Variants in SNX29 observed in about 807,000 individuals in gnomAD.
The protein encoded by SNX29 is sorting nexin 29, also known as sorting nexin-29.
Under a neutral mutation model 102.1 loss-of-function variants are expected in SNX29, and 78 were observed. The observed-to-expected ratio is 0.76, with a 90% confidence interval of 0.64 to 0.92. The LOEUF is 0.92. Among genes scored for constraint, SNX29 ranks in the 40% least tolerant of loss-of-function variants. The probability of loss-of-function intolerance (pLI) is 0.00; values close to 1 mark genes in which losing one functional copy is unlikely to be tolerated. For synonymous variants in SNX29, 580 were observed against 414.5 expected (o/e 1.40, Z -4.85); for missense variants, 1,280 against 1,061.7 (o/e 1.21, Z -2.86).
chr16:12,480,214 G>T (rs1193409016), intron 19 of SNX29, among the ~76,000 whole-genome samples: 1 of 152,150 alleles, frequency 6.6e-6, no homozygotes, highest in Non-Finnish European at 1.5e-5. Flanking sequence ...CAATTCGAGA[G>T]GTCAGAAGTC....
At chr16:12,498,311 G>A (rs2088932735) in intron 19 of SNX29, among the ~76,000 whole-genome samples, 1 of 152,176 alleles carries the variant, frequency 6.6e-6, no homozygotes, top group African/African-American at 2.4e-5. Context: ...GCAAGGCAGG[G>A]CCAGTTACCT....
At chr16:12,107,709 G>A (rs2053323155) in intron 11 of SNX29, among the ~76,000 whole-genome samples, 1 of 152,122 alleles carries the variant, frequency 6.6e-6, no homozygotes, top group Admixed American at 6.6e-5. Flanking sequence ...GGTGACGAGT[G>A]GGTGGTGGGC....
chr16:12,036,006 T>G (rs1222793518), intron 4 of SNX29, among the ~76,000 whole-genome samples: 5 of 152,220 alleles, frequency 3.3e-5, no homozygotes, highest in African/African-American at 1.2e-4. Context: ...CCTTTGTATC[T>G]ATCACTGGCC....
At chr16:12,276,679 T>C (rs561825628) in intron 14 of SNX29, among the ~76,000 whole-genome samples, 1 of 152,338 alleles carries the variant, frequency 6.6e-6, no homozygotes, top group East Asian at 1.9e-4. Context: ...TTCTTAAACA[T>C]GCTGTGGATG....
At chr16:12,428,884 C>T (rs1295003563) in intron 18 of SNX29, among the ~76,000 whole-genome samples, 2 of 152,084 alleles carry the variant, frequency 1.3e-5, no homozygotes, top group African/African-American at 2.4e-5. Flanking sequence ...CACACAGATA[C>T]GATTGCAATT....
At chr16:12,379,512 A>G (rs1597150528) in intron 16 of SNX29, among the ~76,000 whole-genome samples, 1 of 152,226 alleles carries the variant, frequency 6.6e-6, no homozygotes, top group Non-Finnish European at 1.5e-5. Context: ...AGGGCAGGCC[A>G]TGGGTCCAGG....
intron 14 of SNX29, among the ~76,000 whole-genome samples, chr16:12,269,203 C>G (rs113647392): frequency 0.031 from 4,744 of 152,246 alleles, 116 homozygotes; most frequent in Non-Finnish European, 0.04. Flanking sequence ...CAGGGAGACA[C>G]AGGAGAAAGT....
rs572793856 is a variant in SNX29, at chr16:12,569,877, A to G, written c.*1248A>G. On this transcript the variant is annotated 3_prime_UTR_variant, in exon 21 of 21. Transcript: ENST00000566228. ...TCGTGAAATGGACTATGCAAGAGTA[A>G]GTTTGTGTGTTTCGCCTTAATCTGA... 3 of 231,474 alleles carry G rather than the reference A, an allele frequency of 1.3e-5. No individual in the cohort carries two copies. The highest frequency in any genetic ancestry group is 4.4e-5 in the African/African-American group (2 of 45,228). 14.3% of individuals were successfully genotyped at this position (231,474 alleles called of 1,614,324 possible). A position where few individuals can be genotyped will look rare whatever the true frequency, so the allele number is the denominator to read the frequency against.
chr16:12,515,435 C>T (rs567822895), intron 19 of SNX29: 19 of 461,912 alleles, frequency 4.1e-5, no homozygotes, highest in African/African-American at 3.4e-4. Context: ...ACCCCATCCG[C>T]AAGTCACCCC....
intron 14 of SNX29, among the ~76,000 whole-genome samples, chr16:12,217,680 T>C (rs2077361479): frequency 6.6e-6 from 1 of 152,144 alleles, no homozygotes; most frequent in Non-Finnish European, 1.5e-5. Context: ...ATCTAGGGTG[T>C]TCTTGGAGCA....
intron 9 of SNX29, among the ~76,000 whole-genome samples, chr16:12,065,763 T>G (rs1403407769): frequency 6.6e-6 from 1 of 152,190 alleles, no homozygotes; most frequent in African/African-American, 2.4e-5. Context: ...GTTCCTGGTT[T>G]TCTTTATTCA....
chr16:12,401,544 A>G lies in SNX29; in HGVS notation c.1956-1904A>G, dbSNP rs372461354. Among the ~76,000 whole-genome samples the G allele has an allele frequency of 3.0e-3, 460 of 151,786 alleles. 35 individuals carry two copies. The South Asian group carries it at 0.089, about 29-fold the overall frequency. Reference sequence around the variant, plus strand: ...ATGCCCAGCTAATTTTTGTATTTTTAGTAGAGACAGGGTTTCACCATCTTG... The same window carrying G: ...ATGCCCAGCTAATTTTTGTATTTTTGGTAGAGACAGGGTTTCACCATCTTG... On this transcript the variant is annotated intron_variant, in intron 17 of 20. Coordinates refer to ENST00000566228, the MANE Select transcript of SNX29 (RefSeq NM_032167.5).
intron 14 of SNX29, among the ~76,000 whole-genome samples, chr16:12,213,356 C>A (rs1197685905): frequency 1.3e-5 from 2 of 152,156 alleles, no homozygotes; most frequent in African/African-American, 4.8e-5. Context: ...GGATGAAAAA[C>A]TACCTATTGG....
chr16:12,093,840 T>C (rs1366860932), intron 11 of SNX29: 1 of 152,234 alleles, frequency 6.6e-6, no homozygotes, highest in Non-Finnish European at 1.5e-5. Context: ...ACGTGGATTT[T>C]CCTGGGGAGA....
intron 14 of SNX29, among the ~76,000 whole-genome samples, chr16:12,255,286 C>T (rs2078537748): frequency 6.6e-6 from 1 of 152,106 alleles, no homozygotes; most frequent in Non-Finnish European, 1.5e-5. Flanking sequence ...ACCTCTGCTT[C>T]CCGGGTTCAA....
intron 18 of SNX29, among the ~76,000 whole-genome samples, chr16:12,411,885 T>A (rs1277819167): frequency 6.6e-6 from 1 of 152,224 alleles, no homozygotes; most frequent in African/African-American, 2.4e-5. Flanking sequence ...ACTTGACTTG[T>A]GATAAGCAAT....
At chr16:12,250,985 C>T (rs975670017) in intron 14 of SNX29, among the ~76,000 whole-genome samples, 1 of 152,250 alleles carries the variant, frequency 6.6e-6, no homozygotes, top group Non-Finnish European at 1.5e-5. Context: ...CTGGCTGCTC[C>T]TCAGAGCTCC....
At chr16:12,269,317 A>G (rs2079023800) in intron 14 of SNX29, among the ~76,000 whole-genome samples, 1 of 152,246 alleles carries the variant, frequency 6.6e-6, no homozygotes, top group African/African-American at 2.4e-5. Context: ...ATCCCAGTTA[A>G]TAGCATCACC....
intron 3 of SNX29, among the ~76,000 whole-genome samples, chr16:12,003,556 A>T (rs113282261): frequency 1.3e-5 from 2 of 152,224 alleles, no homozygotes; most frequent in Non-Finnish European, 2.9e-5. Flanking sequence ...TTCTATGCGT[A>T]TGGAGTGGTC....
Sources: gnomAD v4.1 joint callset for allele counts (sites outside exome capture counted in the v4.1 genomes callset) on GRCh38, gnomAD v4.1.1 for gene constraint, MANE v1.5 for transcripts, NCBI Gene and HGNC (gene_info 2026-07-23, HGNC 2026-07-21) for gene names.